The following THADA variants were observed in gnomAD, a reference collection of about 807,000 sequenced individuals.
THADA encodes THADA armadillo repeat containing.
Under a neutral mutation model 219.8 loss-of-function variants are expected in THADA, and 213 were observed. The observed-to-expected ratio is 0.97, with a 90% CI of 0.87 to 1.09. The LOEUF is 1.09. Ranked by LOEUF, THADA falls within the 50% of genes least tolerant of loss-of-function variation. The pLI is 0.00. For synonymous variants in THADA, 1,018 were observed against 828.9 expected, an observed-to-expected ratio of 1.23 and a Z score of -3.92; for missense variants, 2,956 against 2,311.3, an observed-to-expected ratio of 1.28 and a Z score of -5.72.
chr2:43,554,781 G>A (rs982368512), intron 17 of THADA, among the ~76,000 whole-genome samples: 24 of 152,090 alleles, frequency 1.6e-4, no homozygotes, highest in African/African-American at 5.6e-4. Context: ...TATTCCATTT[G>A]TTTACCATAA....
At chr2:43,420,435 T>C (rs969284486) in intron 28 of THADA, among the ~76,000 whole-genome samples, 5 of 152,222 alleles carry the variant, frequency 3.3e-5, no homozygotes, top group Admixed American at 6.5e-5. Flanking sequence ...AATTAACTGA[T>C]TAGATTCTAA....
At chr2:43,376,525 A>AAATG (rs924722089) in intron 29 of THADA, among the ~76,000 whole-genome samples, 4 of 152,222 alleles carry the variant, frequency 2.6e-5, no homozygotes, top group Non-Finnish European at 5.9e-5. Context: ...GCCACATGTT[A>AAATG]AATGAATGAA....
chr2:43,584,268 C>T (rs1273093977), intron 7 of THADA, among the ~76,000 whole-genome samples: 1 of 152,028 alleles, frequency 6.6e-6, no homozygotes, highest in Non-Finnish European at 1.5e-5. Flanking sequence ...CTGAGATGTC[C>T]ACAAGTTAAC....
intron 20 of THADA, among the ~76,000 whole-genome samples, chr2:43,541,535 G>A (rs991389332): frequency 2.0e-5 from 3 of 151,834 alleles, no homozygotes; most frequent in Non-Finnish European, 4.4e-5. Context: ...TGGAGACAGG[G>A]TCTCGCTCTG....
intron 29 of THADA, among the ~76,000 whole-genome samples, chr2:43,382,390 A>G (rs1672150391): frequency 6.6e-6 from 1 of 152,212 alleles, no homozygotes; most frequent in Non-Finnish European, 1.5e-5. Context: ...ATTCTTAAGT[A>G]AGAAGTTTAT....
chr2:43,316,779 T>C (rs1252558771), intron 31 of THADA, among the ~76,000 whole-genome samples: 1 of 152,006 alleles, frequency 6.6e-6, no homozygotes, highest in African/African-American at 2.4e-5. Flanking sequence ...AATACAAAAT[T>C]AGCCAGGCGT....
chr2:43,546,400 A>G (rs1035632102), intron 20 of THADA, among the ~76,000 whole-genome samples: 10 of 152,196 alleles, frequency 6.6e-5, no homozygotes, highest in East Asian at 1.9e-4. Context: ...TTGGTGCAGA[A>G]CTGAGTTCAA....
chr2:43,421,768 C>G (rs1677752622), intron 28 of THADA, among the ~76,000 whole-genome samples: 1 of 152,198 alleles, frequency 6.6e-6, no homozygotes, highest in Admixed American at 6.5e-5. Context: ...GTTTTCAGAA[C>G]TATCCAGAAC....
chr2:43,566,189 A>T, intron 15 of THADA: 1 of 398,420 alleles, frequency 2.5e-6, no homozygotes, highest in Non-Finnish European at 4.5e-6. Flanking sequence ...TGAGAACCAC[A>T]CAGAAGGAAA....
intron 22 of THADA, among the ~76,000 whole-genome samples, chr2:43,514,256 C>G (rs980986706): frequency 6.6e-6 from 1 of 150,606 alleles, no homozygotes; most frequent in Non-Finnish European, 1.5e-5. Flanking sequence ...TTGAGACCAG[C>G]CTGGGCAACA....
intron 29 of THADA, among the ~76,000 whole-genome samples, chr2:43,389,441 G>T (rs775937836): frequency 1.3e-5 from 2 of 152,172 alleles, no homozygotes; most frequent in African/African-American, 2.4e-5. Context: ...GCACCATAGC[G>T]ATACCCTAGT....
chr2:43,320,159 T>C (rs1263279903), intron 31 of THADA, among the ~76,000 whole-genome samples: 1 of 151,964 alleles, frequency 6.6e-6, no homozygotes, highest in Non-Finnish European at 1.5e-5. Flanking sequence ...AGAAAATACA[T>C]AAAATAGAAA....
intron 25 of THADA, among the ~76,000 whole-genome samples, chr2:43,495,517 G>A (rs1688152172): frequency 6.6e-6 from 1 of 151,906 alleles, no homozygotes; most frequent in African/African-American, 2.4e-5. Context: ...TATCTGTACG[G>A]TAATTTAACA....
At chr2:43,315,155 C>T (rs1015015728) in intron 31 of THADA, among the ~76,000 whole-genome samples, 7 of 152,296 alleles carry the variant, frequency 4.6e-5, no homozygotes, top group African/African-American at 1.4e-4. Flanking sequence ...ATTGTTATTA[C>T]TTCATTTCCT....
chr2:43,292,413 T>C (rs575575151), intron 32 of THADA, among the ~76,000 whole-genome samples, 191 bp from the exon 33 acceptor site: 2 of 152,330 alleles, frequency 1.3e-5, no homozygotes, highest in African/African-American at 2.4e-5. Flanking sequence ...AGAGGGCCTC[T>C]AGTGACTTGG....
chr2:43,436,275 C>A (rs1002137364), intron 26 of THADA, among the ~76,000 whole-genome samples: 5 of 152,126 alleles, frequency 3.3e-5, no homozygotes, highest in African/African-American at 1.2e-4. Flanking sequence ...AACCTTGACA[C>A]CTGGGAAGAG....
At chr2:43,525,279 C>T (rs1286029257) in intron 22 of THADA, among the ~76,000 whole-genome samples, 3 of 152,138 alleles carry the variant, frequency 2.0e-5, no homozygotes, top group South Asian at 2.1e-4. Context: ...TGGCAGATGG[C>T]GTTTTTCAAA....
intron 28 of THADA, among the ~76,000 whole-genome samples, chr2:43,399,244 T>C (rs1249780259): frequency 6.6e-6 from 1 of 152,132 alleles, no homozygotes; most frequent in African/African-American, 2.4e-5. Context: ...ATCACAAGAA[T>C]AGGGAAGGTC....
At chr2:43,502,820 G>C (rs898024344) in intron 24 of THADA, among the ~76,000 whole-genome samples, 5 of 151,726 alleles carry the variant, frequency 3.3e-5, no homozygotes, top group African/African-American at 1.2e-4. Context: ...TAATCAAAAA[G>C]AAATCAATAT....
Sources: gnomAD v4.1 joint callset for allele counts (sites outside exome capture counted in the v4.1 genomes callset) on GRCh38, gnomAD v4.1.1 for gene constraint, MANE v1.5 for transcripts, NCBI Gene and HGNC (gene_info 2026-07-23, HGNC 2026-07-21) for gene names.